The following CCDC171 variants were observed in gnomAD, a reference collection of about 807,000 sequenced individuals.
CCDC171 encodes coiled-coil domain containing 171.
Under a neutral mutation model 168.2 loss-of-function variants are expected in CCDC171, and 177 were observed. The observed-to-expected ratio is 1.05, with a 90% CI of 0.93 to 1.19. The LOEUF (loss-of-function observed/expected upper bound fraction) is 1.19. Among genes scored for constraint, CCDC171 ranks in the 50% most tolerant of loss-of-function variants. The pLI is 0.00. For missense variants in CCDC171, 1,991 were observed against 1,539.0 expected, an observed-to-expected ratio of 1.29 and a Z score of -4.91; for synonymous variants, 687 against 540.8, an observed-to-expected ratio of 1.27 and a Z score of -3.75.
intron 13 of CCDC171, among the ~76,000 whole-genome samples, 159 bp from the exon 14 acceptor site, chr9:15,724,617 C>A (rs777578903): frequency 6.6e-6 from 1 of 152,064 alleles, no homozygotes; most frequent in Admixed American, 6.6e-5. Context: ...TTAGAAAATA[C>A]ATTCAGTAAA....
the CCDC171 span, among the ~76,000 whole-genome samples, chr9:16,107,890 T>A: frequency 6.6e-6 from 1 of 152,220 alleles, no homozygotes; most frequent in South Asian, 2.1e-4. Context: ...ATACATTTCA[T>A]TATAATGTAG....
At chr9:16,100,942 A>C in the CCDC171 span, among the ~76,000 whole-genome samples, 1 of 152,114 alleles carries the variant, frequency 6.6e-6, no homozygotes, top group African/African-American at 2.4e-5. Flanking sequence ...ATTCTAGGCA[A>C]GCGAGCCTCT....
At chr9:16,028,050 T>C (rs1337359177) in intron 6 of CCDC171, among the ~76,000 whole-genome samples, 1 of 152,024 alleles carries the variant, frequency 6.6e-6, no homozygotes, top group African/African-American at 2.4e-5. Flanking sequence ...CCTTGACACA[T>C]AGGTTAAATT....
chr9:15,778,849 G>A, intron 19 of CCDC171, 119 bp from the exon 20 acceptor site: 1 of 671,142 alleles, frequency 1.5e-6, no homozygotes, highest in Non-Finnish European at 2.2e-6. Flanking sequence ...CTACATTTCT[G>A]TAATAGCTAG....
intron 4 of CCDC171, among the ~76,000 whole-genome samples, chr9:15,585,302 C>T (rs547022234): frequency 1.3e-5 from 2 of 152,148 alleles, no homozygotes; most frequent in Admixed American, 1.3e-4. Context: ...AATTTCCTAG[C>T]AACTCCATTC....
At chr9:15,760,587 A>T (rs896644363) in intron 18 of CCDC171, among the ~76,000 whole-genome samples, 5 of 152,164 alleles carry the variant, frequency 3.3e-5, no homozygotes, top group African/African-American at 1.2e-4. Flanking sequence ...AAGAAATGTA[A>T]CCTGCCTAGT....
intron 24 of CCDC171, among the ~76,000 whole-genome samples, chr9:15,882,726 G>A (rs1227821186): frequency 6.6e-6 from 1 of 151,810 alleles, no homozygotes; most frequent in African/African-American, 2.4e-5. Context: ...TGGGAAAACT[G>A]CTTGATAATT....
At chr9:15,814,272 C>G (rs560727022) in intron 21 of CCDC171, among the ~76,000 whole-genome samples, 2 of 152,152 alleles carry the variant, frequency 1.3e-5, no homozygotes, top group South Asian at 2.1e-4. Flanking sequence ...CCCAGTTAGT[C>G]TACAAACCAT....
At chr9:15,559,601 C>T (rs1033998004) in intron 1 of CCDC171, among the ~76,000 whole-genome samples, 2 of 152,066 alleles carry the variant, frequency 1.3e-5, no homozygotes, top group African/African-American at 4.8e-5. Flanking sequence ...CTTACTCCGT[C>T]CCTTTATTTT....
In CCDC171 at chr9:15,778,973, C is replaced by G. The variant is rs1201289433; in HGVS notation, c.2904C>G (p.Ser968Arg). 3 of 1,514,992 alleles carry G rather than the reference C, an allele frequency of 2.0e-6. No individual in the cohort carries two copies. The African/African-American group carries it at 4.2e-5, about 21-fold the overall frequency. 93.8% of individuals were successfully genotyped at this position (1,514,992 alleles called of 1,614,324 possible). Residue 968 changes from serine to arginine, a missense_variant, in exon 20 of 26, where the codon AGC becomes AGG. Ser to Arg is a moderately radical substitution (Grantham distance 110). Coordinates refer to ENST00000380701, the MANE Select transcript of CCDC171 (RefSeq NM_173550.4). ...TTGCTCTTGTTTAACAACAGAAAAG[C>G]ACAGCATCGTTGCAGAAGCAAATAC... is the stretch of plus-strand genomic sequence containing the variant. ...GLRGHVPITKSTASLQKQILG... is the reference protein window; with the variant it reads ...GLRGHVPITKRTASLQKQILG...
In CCDC171 at chr9:15,843,648, T is replaced by C. The variant is rs2060777163; in HGVS notation, c.3268-3054T>C. On this transcript the variant is annotated intron_variant, in intron 21 of 25. Coordinates refer to ENST00000380701, the MANE Select transcript of CCDC171 (RefSeq NM_173550.4). Reference sequence around the variant, plus strand: ...AATTAGTATACAAATAAAACTTCCCTTATCTTCCTTTCTACCTAATTGGCT... The same window carrying C: ...AATTAGTATACAAATAAAACTTCCCCTATCTTCCTTTCTACCTAATTGGCT... 2.6e-5 allele frequency among the ~76,000 whole-genome samples: 4 copies of C among 152,124 alleles called. No homozygotes were observed. In the South Asian group the frequency reaches 8.3e-4, roughly 32 times the overall value.
At chr9:15,746,650 G>A (rs912632117) in intron 18 of CCDC171, among the ~76,000 whole-genome samples, 1 of 152,198 alleles carries the variant, frequency 6.6e-6, no homozygotes, top group Admixed American at 6.5e-5. Flanking sequence ...TGGCCAAATA[G>A]GAACAGCTCC....
intron 25 of CCDC171, among the ~76,000 whole-genome samples, chr9:15,943,741 G>C (rs1472896207): frequency 6.6e-6 from 1 of 151,912 alleles, no homozygotes; most frequent in Non-Finnish European, 1.5e-5. Flanking sequence ...AGTTGTATCT[G>C]CACATGGATT....
At chr9:15,877,583 C>T (rs1021004912) in intron 24 of CCDC171, among the ~76,000 whole-genome samples, 3 of 152,040 alleles carry the variant, frequency 2.0e-5, no homozygotes, top group Non-Finnish European at 4.4e-5. Context: ...CCAGTGAAAC[C>T]TTTCGTTTAA....
At chr9:15,640,003 G>A (rs1343899514) in intron 7 of CCDC171, among the ~76,000 whole-genome samples, 1 of 152,150 alleles carries the variant, frequency 6.6e-6, no homozygotes, top group African/African-American at 2.4e-5. Context: ...TTGGGCCAAG[G>A]ACCTAGTATG....
chr9:15,948,171 C>T (rs1167420461), intron 25 of CCDC171, among the ~76,000 whole-genome samples: 1 of 151,510 alleles, frequency 6.6e-6, no homozygotes, highest in African/African-American at 2.4e-5. Flanking sequence ...TTTTTTATGG[C>T]TGCATAGTAT....
chr9:16,086,776 G>T, the CCDC171 span, among the ~76,000 whole-genome samples: 1 of 152,002 alleles, frequency 6.6e-6, no homozygotes, highest in Non-Finnish European at 1.5e-5. Flanking sequence ...GTTTGCTCTT[G>T]CTTCTCTAGT....
At chr9:16,080,786 CCTT>C in the CCDC171 span, among the ~76,000 whole-genome samples, 1 of 152,150 alleles carries the variant, frequency 6.6e-6, no homozygotes, top group African/African-American at 2.4e-5. Context: ...GCTCAAATCT[CCTT>C]CTTTTCCATG....
intron 24 of CCDC171, among the ~76,000 whole-genome samples, chr9:15,898,476 A>C (rs1248071898): frequency 6.6e-6 from 1 of 152,184 alleles, no homozygotes; most frequent in Non-Finnish European, 1.5e-5. Flanking sequence ...TGATGAGCAA[A>C]ATGCTAGGTC....
Sources: gnomAD v4.1 joint callset for allele counts (sites outside exome capture counted in the v4.1 genomes callset) on GRCh38, gnomAD v4.1.1 for gene constraint, MANE v1.5 for transcripts, NCBI Gene and HGNC (gene_info 2026-07-23, HGNC 2026-07-21) for gene names.